DDX50: variants seen among roughly 807,000 people sequenced by gnomAD.
DDX50 encodes ATP-dependent RNA helicase DDX50.
In DDX50, 56 loss-of-function variants were observed where a neutral mutation model predicts 94.8. The observed-to-expected ratio is 0.59, with a 90% CI of 0.48 to 0.74. The LOEUF (loss-of-function observed/expected upper bound fraction) is 0.74. Ranked by LOEUF, DDX50 falls within the 30% of genes least tolerant of loss-of-function variation. The probability of loss-of-function intolerance (pLI) is 0.00; values close to 1 mark genes in which losing one functional copy is unlikely to be tolerated. For synonymous variants in DDX50, 264 were observed against 295.4 expected (o/e 0.89, Z 1.09); for missense variants, 713 against 881.2 (o/e 0.81, Z 2.42).
At position 68,936,028 on chromosome 10, in the gene DDX50, G is replaced by T; in HGVS notation, c.1544G>T (p.Gly515Val). The change falls in exon 11 of 15, where the codon GGT becomes GTT. Residue 515 changes from glycine (G) to valine (V), a missense_variant. Transcript: ENST00000373585. Reference sequence around the variant, plus strand: ...CAGGGAATTACTTTTAAACGTGTAGGTGTTCCTTCTACAATGGATTTAGTT... The same window carrying T: ...CAGGGAATTACTTTTAAACGTGTAGTTGTTCCTTCTACAATGGATTTAGTT... ...QKAGITFKRV[G>V]VPSTMDLVKS... The T allele has an allele frequency of 1.2e-6, 2 of 1,608,562 alleles. No homozygotes were observed. The highest frequency in any genetic ancestry group is 1.1e-5 in the South Asian group (1 of 90,046).
chr10:68,922,358 T>C (rs1841964010), intron 8 of DDX50, among the ~76,000 whole-genome samples: 1 of 152,198 alleles, frequency 6.6e-6, no homozygotes, highest in African/African-American at 2.4e-5. Context: ...AAATCTGTTG[T>C]GTTTATTCAG....
chr10:68,941,355 T>A (rs1368869222), intron 13 of DDX50, among the ~76,000 whole-genome samples, 161 bp downstream of exon 13: 1 of 152,242 alleles, frequency 6.6e-6, no homozygotes, highest in Non-Finnish European at 1.5e-5. Context: ...GCATTATATA[T>A]GTAACCCATT....
chr10:68,932,857 C>CAT (rs1358093135), intron 8 of DDX50, among the ~76,000 whole-genome samples: 9 of 152,180 alleles, frequency 5.9e-5, no homozygotes, highest in South Asian at 2.1e-4. Flanking sequence ...AATAAATACT[C>CAT]ATAGAGTATT....
At chr10:68,933,308 G>C (rs1196097631) in intron 8 of DDX50, among the ~76,000 whole-genome samples, 2 of 152,070 alleles carry the variant, frequency 1.3e-5, no homozygotes, top group Non-Finnish European at 2.9e-5. Flanking sequence ...GACCTCGGGT[G>C]ATCTGCCTGT....
intron 8 of DDX50, among the ~76,000 whole-genome samples, chr10:68,926,538 GT>G: frequency 6.6e-6 from 1 of 151,922 alleles, no homozygotes; most frequent in Non-Finnish European, 1.5e-5. Context: ...ATAGTTTTTT[GT>G]TTTTATTTTT....
Position 68,930,082 on chromosome 10 carries a change from CCCTT to C in DDX50, c.1240-4100_1240-4097del, listed in dbSNP as rs747562577. 1.2e-3 allele frequency among the ~76,000 whole-genome samples: 174 copies of C among 141,024 alleles called. 1 individual carries two copies. Among genetic ancestry groups the C allele is most frequent in the Non-Finnish European group, 1.8e-3 (115 of 65,450 alleles). 92.5% of individuals were successfully genotyped at this position (141,024 alleles called of 152,430 possible). ...TCCTTTCTTTTCCTTCCTTTCCTTT[CCCTT>C]CCTTCCTTCCTTCCTTTCTTTCCTT... On this transcript the variant is annotated intron_variant, in intron 8 of 14. Coordinates refer to ENST00000373585, the MANE Select transcript of DDX50 (RefSeq NM_024045.2).
At chr10:68,908,316 T>A (rs1589249446) in intron 2 of DDX50, among the ~76,000 whole-genome samples, 1 of 152,066 alleles carries the variant, frequency 6.6e-6, no homozygotes, top group African/African-American at 2.4e-5. Flanking sequence ...TTGGGTGTGG[T>A]GGCGCATGCC....
intron 1 of DDX50, 112 bp downstream of exon 1, chr10:68,901,583 C>T: frequency 8.8e-7 from 1 of 1,140,994 alleles, no homozygotes; most frequent in Non-Finnish European, 1.2e-6. Flanking sequence ...CATCCGAGGG[C>T]CTCCCTTCGC....
At chr10:68,910,944 CTG>C (rs1270953044) in intron 3 of DDX50, 122 bp from the exon 4 acceptor site, 19 of 656,748 alleles carry the variant, frequency 2.9e-5, no homozygotes, top group African/African-American at 2.6e-4. Flanking sequence ...GTAGGAATAA[CTG>C]TGTCACCAGG....
intron 11 of DDX50, 96 bp from the exon 12 acceptor site, chr10:68,936,840 C>CA (rs112454472): frequency 0.045 from 43,993 of 987,098 alleles, no homozygotes; most frequent in East Asian, 0.051. Context: ...GGCTCTATCT[C>CA]AAAAAAAAAA....
rs1281323640 is a variant in DDX50 at position 68,906,643 on chromosome 10, C to G, written c.88-68C>G. The G allele has an allele frequency of 9.7e-6, 15 of 1,552,382 alleles. No individual in the cohort carries two copies. In the East Asian group the frequency reaches 3.1e-4, roughly 33 times the overall value. ...GCTGAACTGGTGGGGGAGTCATGCTCTAACTTCTCTAGAGTCTTAAAAGAA... is the reference window on the plus strand; with the variant it reads ...GCTGAACTGGTGGGGGAGTCATGCTGTAACTTCTCTAGAGTCTTAAAAGAA... On this transcript the variant is annotated intron_variant, in intron 1 of 14. Transcript: ENST00000373585.
chr10:68,934,091 T>G lies in DDX50; in HGVS notation c.1240-108T>G. 8.9e-7 allele frequency: 1 copy of G among 1,120,342 alleles called. No individual in the cohort carries two copies. The highest frequency in any genetic ancestry group is 2.1e-5 in the South Asian group (1 of 46,764). The allele number at this position is 1,120,342 out of a possible 1,614,324, so 69.4% of individuals were successfully genotyped here. A position where few individuals can be genotyped will look rare whatever the true frequency, so the allele number is the denominator to read the frequency against. ...CAGTAAGCATGCATTGTTAAAATCA[T>G]CAAAGTAAGATTTAAAAACATGCAA... On this transcript the variant is annotated intron_variant, in intron 8 of 14. Coordinates refer to ENST00000373585, the MANE Select transcript of DDX50 (RefSeq NM_024045.2). The surrounding 1 kb of genome is among the most constrained non-coding windows in gnomAD (Gnocchi z 4.0).
chr10:68,916,606 T>C (rs1407826706), intron 7 of DDX50, among the ~76,000 whole-genome samples: 1 of 152,204 alleles, frequency 6.6e-6, no homozygotes, highest in African/African-American at 2.4e-5. Context: ...GTCATCATTT[T>C]ATCTTCAAGT....
chr10:68,943,595 T>C (rs1842599770), intron 14 of DDX50, among the ~76,000 whole-genome samples: 1 of 152,060 alleles, frequency 6.6e-6, no homozygotes, highest in South Asian at 2.1e-4. Context: ...TAATTTTTTT[T>C]TTCTTTTTGT....
At chr10:68,936,597 G>A (rs527935401) in intron 11 of DDX50, among the ~76,000 whole-genome samples, 4 of 146,908 alleles carry the variant, frequency 2.7e-5, no homozygotes, top group Middle Eastern at 3.6e-3. Flanking sequence ...CCAGCACTTC[G>A]GGAGGCTGAG....
intron 1 of DDX50, among the ~76,000 whole-genome samples, chr10:68,902,190 CAAAA>C (rs35302047): frequency 1.3e-4 from 12 of 94,316 alleles, no homozygotes; most frequent in African/African-American, 4.5e-4. Context: ...CCCTGCCCTC[CAAAA>C]AAAAAAAAAA....
intron 14 of DDX50, among the ~76,000 whole-genome samples, chr10:68,945,961 ATTAG>A (rs990863877): frequency 2.5e-5 from 3 of 118,736 alleles, no homozygotes; most frequent in African/African-American, 7.7e-5. Flanking sequence ...TATTTATTTA[ATTAG>A]TAATACATAG....
chr10:68,922,109 T>C (rs1188423035), intron 8 of DDX50, among the ~76,000 whole-genome samples: 1 of 152,216 alleles, frequency 6.6e-6, no homozygotes, highest in African/African-American at 2.4e-5. Flanking sequence ...TTGTTGTGCA[T>C]ATATTGACTG....
intron 8 of DDX50, among the ~76,000 whole-genome samples, chr10:68,929,095 T>G (rs1842164649): frequency 6.6e-6 from 1 of 151,984 alleles, no homozygotes; most frequent in Non-Finnish European, 1.5e-5. Flanking sequence ...TACAGGCGTG[T>G]GCCACCACGC....
Sources: gnomAD v4.1 joint callset for allele counts (sites outside exome capture counted in the v4.1 genomes callset) on GRCh38, gnomAD v4.1.1 for gene constraint, Gnocchi (gnomAD v3.1) non-coding constraint, MANE v1.5 for transcripts, NCBI Gene and HGNC (gene_info 2026-07-23, HGNC 2026-07-21) for gene names.